Variants in LRRC8D observed in about 807,000 individuals in gnomAD.
LRRC8D encodes leucine rich repeat containing 8 VRAC subunit D, also known as volume-regulated anion channel subunit LRRC8D.
Under a neutral mutation model 55.8 loss-of-function variants are expected in LRRC8D, and 20 were observed. The observed-to-expected ratio is 0.36, with a 90% confidence interval of 0.25 to 0.52. The LOEUF is 0.52. Among genes scored for constraint, LRRC8D ranks in the 20% least tolerant of loss-of-function variants. The pLI is 0.93. For synonymous variants in LRRC8D, 352 were observed against 377.0 expected (o/e 0.93, Z 0.77); for missense variants, 651 against 1,030.8 (o/e 0.63, Z 5.05).
At chr1:89,839,587 A>G (rs911092704) in intron 1 of LRRC8D, among the ~76,000 whole-genome samples, 31 of 152,140 alleles carry the variant, frequency 2.0e-4, no homozygotes, top group Non-Finnish European at 1.5e-5. Flanking sequence ...TCTATGGGTA[A>G]ATGCCAATCA....
intron 2 of LRRC8D, among the ~76,000 whole-genome samples, chr1:89,870,616 A>T (rs556429583): frequency 1.3e-5 from 2 of 152,300 alleles, no homozygotes; most frequent in African/African-American, 4.8e-5. Flanking sequence ...AAGTTGGTGC[A>T]TTTAGAAGGG....
Position 89,933,575 on chromosome 1 carries a change from T to A in LRRC8D, c.507T>A (p.Ala169=), listed in dbSNP as rs765779951. 7.4e-6 allele frequency: 12 copies of A among 1,614,048 alleles called. No homozygotes were observed. Among genetic ancestry groups the A allele is most frequent in the Non-Finnish European group, 8.5e-6 (10 of 1,180,048 alleles). The part of the protein sequence containing the change: ...PWYSKYFPYL[A]LIHTIILMVS... ...ATTCTAAGTACTTTCCATACCTAGC[T>A]CTTATACATACTATTATTCTCATGG... The change falls in exon 3 of 3, where the codon GCT becomes GCA. Residue 169 remains alanine (A), a synonymous_variant. Transcript: ENST00000337338. This position sits in a 1 kb window ranked among gnomAD's most constrained non-coding sequence, Gnocchi z 7.0.
rs115079588 is a variant in LRRC8D, at chr1:89,922,700, T to A, written c.-2-10367T>A. Among the ~76,000 whole-genome samples, 364 of 152,328 alleles carry A rather than the reference T, an allele frequency of 2.4e-3. 1 individual carries two copies. The highest frequency in any genetic ancestry group is 3.2e-3 in the Non-Finnish European group (219 of 68,030). On this transcript the variant is annotated intron_variant, in intron 2 of 2. Transcript: ENST00000337338. ...CATGAATGTTAGAGAGGTAATAATA[T>A]AAGCAATCATTTAAAAACATACTTG...
chr1:89,882,232 G>A (rs1260230759), intron 2 of LRRC8D, among the ~76,000 whole-genome samples: 1 of 152,250 alleles, frequency 6.6e-6, no homozygotes, highest in Non-Finnish European at 1.5e-5. Context: ...GTCCCCTTAT[G>A]TGCTAAGCCC....
At chr1:89,854,870 A>T (rs1661512735) in intron 2 of LRRC8D, among the ~76,000 whole-genome samples, 1 of 152,182 alleles carries the variant, frequency 6.6e-6, no homozygotes, top group Non-Finnish European at 1.5e-5. Flanking sequence ...GAGGGGTAGC[A>T]AGTCAGAAAA....
chr1:89,882,065 C>T (rs945302573), intron 2 of LRRC8D, among the ~76,000 whole-genome samples: 1 of 152,214 alleles, frequency 6.6e-6, no homozygotes, highest in African/African-American at 2.4e-5. Context: ...GGCCTCACTG[C>T]CATCAGAGTT....
At chr1:89,918,700 A>G (rs1663337557) in intron 2 of LRRC8D, among the ~76,000 whole-genome samples, 1 of 152,198 alleles carries the variant, frequency 6.6e-6, no homozygotes, top group South Asian at 2.1e-4. Flanking sequence ...TAGAGTGCTT[A>G]ATTATGAGTC....
rs1279717042 is a variant in LRRC8D, at chr1:89,931,256, C to T, written c.-2-1811C>T. Among the ~76,000 whole-genome samples, 264 of 102,294 alleles carry T rather than the reference C, an allele frequency of 2.6e-3. 1 individual carries two copies. Among genetic ancestry groups the T allele is most frequent in the Non-Finnish European group, 3.6e-3 (187 of 52,532 alleles). 67.1% of individuals were successfully genotyped at this position (102,294 alleles called of 152,430 possible). ...CAGTACTAGGTATGTGGAAGGGTTT[C>T]GGAAAAAAAAAAAAAAAAAAAAAGA... On this transcript the variant is annotated intron_variant, in intron 2 of 2. Coordinates refer to ENST00000337338, the MANE Select transcript of LRRC8D (RefSeq NM_001134479.2).
chr1:89,884,426 C>T (rs1237413616), intron 2 of LRRC8D, among the ~76,000 whole-genome samples: 1 of 152,188 alleles, frequency 6.6e-6, no homozygotes, highest in Admixed American at 6.5e-5. Context: ...ATCCAGATAT[C>T]AGAAGTCATA....
rs752218122 is a variant in LRRC8D, at chr1:89,933,588, A to G, written c.520A>G (p.Ile174Val). Residue 174 changes from isoleucine (I) to valine (V), a missense_variant, in exon 3 of 3, where the codon ATT becomes GTT. Ile to Val is a conservative substitution (Grantham distance 29, BLOSUM62 3). Coordinates refer to ENST00000337338, the MANE Select transcript of LRRC8D (RefSeq NM_001134479.2). This position sits in a 1 kb window ranked among gnomAD's most constrained non-coding sequence, Gnocchi z 7.0. Reference protein sequence around the residue: ...YFPYLALIHTIILMVSSNFWF... With the variant: ...YFPYLALIHTVILMVSSNFWF... The stretch of plus-strand genomic sequence containing the variant: ...TCCATACCTAGCTCTTATACATACT[A>G]TTATTCTCATGGTCAGTAGCAACTT... 2.5e-6 allele frequency: 4 copies of G among 1,614,148 alleles called. No individual in the cohort carries two copies. Among genetic ancestry groups the G allele is most frequent in the Admixed American group, 1.7e-5 (1 of 60,022 alleles).
chr1:89,935,677 G>A lies in LRRC8D; in HGVS notation c.*32G>A. On this transcript the variant is annotated 3_prime_UTR_variant, in exon 3 of 3. Transcript: ENST00000337338. ...ATAATATATGCACAGTGATGTGCAG[G>A]AACAACTTCCTAGATTGCAAGTGCT... The A allele has an allele frequency of 6.4e-7, 1 of 1,568,624 alleles. No homozygotes were observed. The highest frequency in any genetic ancestry group is 1.1e-5 in the South Asian group (1 of 88,088).
chr1:89,823,196 C>G (rs995718221), intron 1 of LRRC8D, among the ~76,000 whole-genome samples: 10 of 152,078 alleles, frequency 6.6e-5, no homozygotes, highest in African/African-American at 2.4e-4. Context: ...CTTAGATGAC[C>G]CAGCCTTCCA....
chr1:89,833,544 A>G (rs370599221), intron 1 of LRRC8D: 1 of 152,232 alleles, frequency 6.6e-6, no homozygotes, highest in Non-Finnish European at 1.5e-5. Context: ...TTTGGAGCTT[A>G]AAAGACTTGA....
chr1:89,839,215 C>G (rs1215807396), intron 1 of LRRC8D, among the ~76,000 whole-genome samples: 1 of 152,202 alleles, frequency 6.6e-6, no homozygotes, highest in East Asian at 1.9e-4. Context: ...CACCTCCCTG[C>G]GAAGGTAGTT....
In LRRC8D at chr1:89,935,672, T is replaced by C. The variant is rs141428927; in HGVS notation, c.*27T>C. ...CTAAGATAATATATGCACAGTGATG[T>C]GCAGGAACAACTTCCTAGATTGCAA... On this transcript the variant is annotated 3_prime_UTR_variant, in exon 3 of 3. Transcript: ENST00000337338. 1.1e-5 allele frequency: 17 copies of C among 1,592,886 alleles called. No individual in the cohort carries two copies. The highest frequency in any genetic ancestry group is 1.4e-5 in the Non-Finnish European group (16 of 1,165,252).
chr1:89,851,072 T>G lies in LRRC8D; in HGVS notation c.-3+7290T>G, dbSNP rs558305950. On this transcript the variant is annotated intron_variant, in intron 2 of 2. Coordinates refer to ENST00000337338, the MANE Select transcript of LRRC8D (RefSeq NM_001134479.2). ...TACATTTTCTTCTGTTTTTTTGTGT[T>G]TTTTTTTTTGTCTTTTCTTTTCTTC... Among the ~76,000 whole-genome samples, 68 of 150,336 alleles carry G rather than the reference T, an allele frequency of 4.5e-4. No individual in the cohort carries two copies. The South Asian group carries it at 0.013, about 29-fold the overall frequency.
rs377147367 is a variant in LRRC8D, at chr1:89,935,525, G to T, written c.2457G>T (p.Gln819His). The change falls in exon 3 of 3, where the codon CAG becomes CAT. Residue 819 changes from glutamine to histidine, a missense_variant. Coordinates refer to ENST00000337338, the MANE Select transcript of LRRC8D (RefSeq NM_001134479.2). Reference protein sequence around the residue: ...CLDRLPAQLGQCRMLKKSGLV... With the variant: ...CLDRLPAQLGHCRMLKKSGLV... ...ACCGCCTGCCAGCCCAGCTGGGCCAGTGTCGGATGCTCAAGAAAAGCGGGC... is the reference window on the plus strand; with the variant it reads ...ACCGCCTGCCAGCCCAGCTGGGCCATTGTCGGATGCTCAAGAAAAGCGGGC... The T allele has an allele frequency of 1.2e-6, 2 of 1,614,244 alleles. No homozygotes were observed. Among genetic ancestry groups the T allele is most frequent in the South Asian group, 1.1e-5 (1 of 91,092 alleles).
At chr1:89,868,929 C>T (rs1661923166) in intron 2 of LRRC8D, among the ~76,000 whole-genome samples, 1 of 152,002 alleles carries the variant, frequency 6.6e-6, no homozygotes, top group Non-Finnish European at 1.5e-5. Flanking sequence ...GTTTTTCAGA[C>T]AGAATCTCAC....
intron 2 of LRRC8D, among the ~76,000 whole-genome samples, chr1:89,876,058 C>A (rs1427668284): frequency 2.0e-5 from 3 of 152,184 alleles, no homozygotes; most frequent in Non-Finnish European, 4.4e-5. Context: ...CCTAATACCT[C>A]TACCTCCCAG....
Sources: gnomAD v4.1 joint callset for allele counts (sites outside exome capture counted in the v4.1 genomes callset) on GRCh38, gnomAD v4.1.1 for gene constraint, Gnocchi (gnomAD v3.1) non-coding constraint, MANE v1.5 for transcripts, NCBI Gene and HGNC (gene_info 2026-07-23, HGNC 2026-07-21) for gene names.